Variants in ZC2HC1A observed in about 807,000 individuals in gnomAD.
The protein encoded by ZC2HC1A is zinc finger C2HC domain-containing protein 1A.
A neutral mutation model predicts 40.7 loss-of-function variants in ZC2HC1A; 28 were observed. The ratio of observed to expected loss-of-function variants is 0.69; its 90% CI spans 0.51 to 0.94. ZC2HC1A has a LOEUF of 0.94. Ranked by LOEUF, ZC2HC1A falls within the 40% of genes least tolerant of loss-of-function variation. ZC2HC1A has a pLI of 0.00. For missense variants in ZC2HC1A, 389 were observed against 386.3 expected (o/e 1.01, Z -0.06); for synonymous variants, 129 against 129.2 (o/e 1.00, Z 0.01).
intron 1 of ZC2HC1A, among the ~76,000 whole-genome samples, chr8:78,669,465 T>C: frequency 1.4e-5 from 2 of 141,698 alleles, no homozygotes; most frequent in African/African-American, 6.3e-5. Flanking sequence ...TGTTAGCAGG[T>C]CCAGTATAGG....
chr8:78,702,283 G>A (rs1026045508), intron 7 of ZC2HC1A, among the ~76,000 whole-genome samples: 1 of 152,054 alleles, frequency 6.6e-6, no homozygotes, highest in African/African-American at 2.4e-5. Flanking sequence ...ATTCTGTGAT[G>A]ACTTGTATTT....
At chr8:78,673,614 G>T (rs1809495261) in intron 1 of ZC2HC1A, among the ~76,000 whole-genome samples, 1 of 152,132 alleles carries the variant, frequency 6.6e-6, no homozygotes. Context: ...CATTCTAACT[G>T]GCGTGAGATG....
intron 7 of ZC2HC1A, among the ~76,000 whole-genome samples, chr8:78,700,320 T>C (rs1810559140): frequency 6.6e-6 from 1 of 152,110 alleles, no homozygotes; most frequent in South Asian, 2.1e-4. Context: ...GATTGTTTGT[T>C]TTTTTTCTTG....
intron 4 of ZC2HC1A, 50 bp downstream of exon 4, chr8:78,686,658 A>C: frequency 7.1e-7 from 1 of 1,405,022 alleles, no homozygotes; most frequent in Admixed American, 2.7e-5. Context: ...GAAAATAATG[A>C]TAGAGTTTTT....
At chr8:78,678,785 A>G in intron 3 of ZC2HC1A, 106 bp downstream of exon 3, 2 of 605,342 alleles carry the variant, frequency 3.3e-6, no homozygotes, top group South Asian at 7.5e-5. Flanking sequence ...ATTATCTGCT[A>G]CATTAAGATT....
intron 1 of ZC2HC1A, among the ~76,000 whole-genome samples, chr8:78,673,601 C>T (rs188365942): frequency 2.0e-5 from 3 of 152,078 alleles, no homozygotes; most frequent in Admixed American, 6.6e-5. Flanking sequence ...TTTTAATGAT[C>T]GCCATTCTAA....
intron 8 of ZC2HC1A, 35 bp downstream of exon 8, chr8:78,715,363 A>T: frequency 6.4e-7 from 1 of 1,552,978 alleles, no homozygotes; most frequent in Non-Finnish European, 8.8e-7. Context: ...TAACTAAAAT[A>T]AAATTGAGTA....
rs780961934 is a variant in ZC2HC1A at position 78,678,671 on chromosome 8, A to C, written c.202A>C (p.Lys68Gln). 2.5e-6 allele frequency: 4 copies of C among 1,605,192 alleles called. No individual in the cohort carries two copies. Among genetic ancestry groups the C allele is most frequent in the Non-Finnish European group, 2.5e-6 (3 of 1,176,708 alleles). Residue 68 changes from lysine (K) to glutamine (Q), a missense_variant, in exon 3 of 9, where the codon AAA (lysine) becomes CAA (glutamine). Physicochemically the swap from Lys to Gln is moderately conservative, Grantham distance 53. Transcript: ENST00000263849. ...TGATATTCCAACAGTAAAACCTCTC[A>C]AACCGAGGGTAACTATATAACCTTT... ...GTDIPTVKPLKPRPEPPKKPS... is the reference protein window; with the variant it reads ...GTDIPTVKPLQPRPEPPKKPS...
At chr8:78,694,631 CT>C (rs1234205130) in intron 5 of ZC2HC1A, among the ~76,000 whole-genome samples, 2 of 151,990 alleles carry the variant, frequency 1.3e-5, no homozygotes, top group African/African-American at 4.8e-5. Flanking sequence ...ATTTTTTATT[CT>C]TTCCTGAGCA....
intron 8 of ZC2HC1A, among the ~76,000 whole-genome samples, chr8:78,715,831 G>A (rs1467346259): frequency 1.3e-5 from 2 of 152,020 alleles, no homozygotes; most frequent in African/African-American, 2.4e-5. Context: ...CCTGAGGTCA[G>A]GAGTTTGAGA....
chr8:78,709,520 T>C (rs1038941092), intron 7 of ZC2HC1A, among the ~76,000 whole-genome samples: 2 of 152,120 alleles, frequency 1.3e-5, no homozygotes, highest in African/African-American at 4.8e-5. Context: ...GATAGGGAGC[T>C]AACTTTGCTG....
intron 5 of ZC2HC1A, among the ~76,000 whole-genome samples, chr8:78,695,486 G>A (rs1028413973): frequency 6.6e-6 from 1 of 152,044 alleles, no homozygotes; most frequent in Non-Finnish European, 1.5e-5. Flanking sequence ...TAATCATTTT[G>A]CTCTTTTTTG....
chr8:78,671,666 A>G (rs1476132008), intron 1 of ZC2HC1A, among the ~76,000 whole-genome samples: 1 of 64,746 alleles, frequency 1.5e-5, no homozygotes, highest in African/African-American at 3.6e-5. Flanking sequence ...GTCTGCCTAT[A>G]TGATTATCAT....
intron 1 of ZC2HC1A, 143 bp from the exon 2 acceptor site, chr8:78,675,644 T>C (rs1375505285): frequency 4.5e-6 from 3 of 669,520 alleles, no homozygotes; most frequent in African/African-American, 3.7e-5. Context: ...TTTTCATAGA[T>C]AATTTTGCTT....
In ZC2HC1A at chr8:78,717,705, G is replaced by C. The variant is rs1376579075; in HGVS notation, c.*212G>C. The C allele has an allele frequency of 8.8e-6, 3 of 342,226 alleles. No homozygotes were observed. Among genetic ancestry groups the C allele is most frequent in the Admixed American group, 4.5e-5 (1 of 22,032 alleles). 21.2% of individuals were successfully genotyped at this position (342,226 alleles called of 1,614,324 possible). On this transcript the variant is annotated 3_prime_UTR_variant, in exon 9 of 9. Transcript: ENST00000263849. ...TAATAAATATCTGATACCCCAGACT[G>C]TGTCATTCAAGGAAATATTCACTTA...
At chr8:78,705,775 A>G (rs1168108491) in intron 7 of ZC2HC1A, among the ~76,000 whole-genome samples, 1 of 152,106 alleles carries the variant, frequency 6.6e-6, no homozygotes, top group Non-Finnish European at 1.5e-5. Context: ...GAACACCTGC[A>G]GGGCTGGCTG....
chr8:78,671,206 G>A (rs1809429856), intron 1 of ZC2HC1A, among the ~76,000 whole-genome samples: 1 of 152,150 alleles, frequency 6.6e-6, no homozygotes, highest in African/African-American at 2.4e-5. Flanking sequence ...CACTTATAGT[G>A]TTAGATAAAG....
intron 1 of ZC2HC1A, among the ~76,000 whole-genome samples, chr8:78,669,313 A>C (rs979239876): frequency 6.6e-6 from 1 of 152,154 alleles, no homozygotes; most frequent in African/African-American, 2.4e-5. Flanking sequence ...CTATGAAAAA[A>C]ATGGAGCTAT....
chr8:78,668,662 T>C (rs1222955345), intron 1 of ZC2HC1A, among the ~76,000 whole-genome samples: 2 of 152,202 alleles, frequency 1.3e-5, no homozygotes, highest in Non-Finnish European at 2.9e-5. Context: ...AAATGAAATA[T>C]AAGTTATCTG....
Sources: allele counts gnomAD v4.1 joint callset (sites outside exome capture counted in the v4.1 genomes callset), GRCh38; gene constraint gnomAD v4.1.1; transcripts MANE v1.5; gene names NCBI Gene and HGNC (gene_info 2026-07-23, HGNC 2026-07-21).